The following ACOXL variants were observed in gnomAD, a reference collection of about 807,000 sequenced individuals.
The protein encoded by ACOXL is acyl-CoA oxidase like.
In ACOXL, 70 loss-of-function variants were observed where a neutral mutation model predicts 71.9. That is an observed-to-expected ratio of 0.97 (90% CI 0.80 to 1.19). The LOEUF (loss-of-function observed/expected upper bound fraction) is 1.19, where lower values mean the gene tolerates loss of function less well. Ranked by LOEUF, ACOXL falls within the 50% of genes most tolerant of loss-of-function variation. The pLI is 0.00. For missense variants in ACOXL, 703 were observed against 736.3 expected, an observed-to-expected ratio of 0.95 and a Z score of 0.52; for synonymous variants, 253 against 281.6, an observed-to-expected ratio of 0.90 and a Z score of 1.02.
intron 7 of ACOXL, 125 bp from the exon 8 acceptor site, chr2:110,801,527 G>C (rs1243490585): frequency 6.2e-6 from 5 of 807,232 alleles, no homozygotes; most frequent in Non-Finnish European, 1.0e-5. Context: ...CCACCCCCAA[G>C]GAAAAAGCAC....
At chr2:110,770,423 C>T (rs1681747359) in intron 2 of ACOXL, among the ~76,000 whole-genome samples, 1 of 152,194 alleles carries the variant, frequency 6.6e-6, no homozygotes, top group South Asian at 2.1e-4. Context: ...CAGGCAGAGC[C>T]TTGGCACCAC....
chr2:111,095,365 G>A (rs984311793), intron 17 of ACOXL, among the ~76,000 whole-genome samples: 3 of 150,678 alleles, frequency 2.0e-5, no homozygotes, highest in African/African-American at 7.3e-5. Context: ...AAACATTGAA[G>A]TGCTTTTGTA....
intron 10 of ACOXL, among the ~76,000 whole-genome samples, chr2:110,899,627 A>T (rs960900007): frequency 6.6e-6 from 1 of 152,180 alleles, no homozygotes; most frequent in African/African-American, 2.4e-5. Context: ...TTAAAATATG[A>T]AATTAATACA....
intron 10 of ACOXL, among the ~76,000 whole-genome samples, chr2:110,901,258 CA>C (rs2059220459): frequency 6.6e-6 from 1 of 152,166 alleles, no homozygotes; most frequent in South Asian, 2.1e-4. Context: ...TGAAGAGCTA[CA>C]CTCTCTGGCC....
At chr2:111,011,952 G>A (rs988485818) in intron 14 of ACOXL, among the ~76,000 whole-genome samples, 5 of 149,280 alleles carry the variant, frequency 3.3e-5, no homozygotes, top group Admixed American at 6.7e-5. Flanking sequence ...GATTATTAAA[G>A]GATAATTTCA....
chr2:111,064,446 CA>C lies in ACOXL; in HGVS notation c.1440+15168del, dbSNP rs1007815116. ...GCGACACTCCATCTCAAAAAAAAAA[CA>C]AAAAAAAAACAACAACTATATAGTA... On this transcript the variant is annotated intron_variant, in intron 16 of 17. Coordinates refer to ENST00000439055, the MANE Select transcript of ACOXL (RefSeq NM_001142807.4). 1.8e-3 allele frequency among the ~76,000 whole-genome samples: 248 copies of C among 138,266 alleles called. 3 individuals are homozygous for C. Among genetic ancestry groups the C allele is most frequent in the African/African-American group, 6.1e-3 (225 of 37,116 alleles). The allele number at this position is 138,266 out of a possible 152,430, so 90.7% of individuals were successfully genotyped here.
intron 1 of ACOXL, among the ~76,000 whole-genome samples, chr2:110,736,075 C>A (rs1044773772): frequency 2.6e-5 from 4 of 152,148 alleles, no homozygotes; most frequent in Non-Finnish European, 4.4e-5. Flanking sequence ...GAGCAATGCA[C>A]ATTTCTCTTC....
intron 10 of ACOXL, among the ~76,000 whole-genome samples, chr2:110,888,362 C>T (rs1379522151): frequency 1.3e-5 from 2 of 152,150 alleles, no homozygotes; most frequent in African/African-American, 2.4e-5. Flanking sequence ...TTACTAATAC[C>T]TCCCTCAAAG....
At chr2:110,879,931 A>C (rs1421935506) in intron 10 of ACOXL, among the ~76,000 whole-genome samples, 1 of 152,060 alleles carries the variant, frequency 6.6e-6, no homozygotes, top group Non-Finnish European at 1.5e-5. Context: ...GGATCACCTA[A>C]GGTCAGGAGT....
chr2:110,767,402 G>T (rs555647777), intron 1 of ACOXL, among the ~76,000 whole-genome samples: 3 of 152,294 alleles, frequency 2.0e-5, no homozygotes, highest in African/African-American at 7.2e-5. Context: ...TGCAAAGAGA[G>T]GGGGAGGAAA....
At chr2:110,916,597 T>C (rs2059868917) in intron 11 of ACOXL, among the ~76,000 whole-genome samples, 1 of 152,026 alleles carries the variant, frequency 6.6e-6, no homozygotes, top group Middle Eastern at 3.2e-3. Flanking sequence ...ACGAAAAGCC[T>C]TTAAAAAATC....
At chr2:111,022,120 A>G (rs1403215120) in intron 14 of ACOXL, among the ~76,000 whole-genome samples, 5 of 152,190 alleles carry the variant, frequency 3.3e-5, no homozygotes, top group Non-Finnish European at 7.3e-5. Context: ...TGGGAGGCCG[A>G]CGCGAGCAGA....
chr2:110,865,948 G>T (rs1694536013), intron 10 of ACOXL, among the ~76,000 whole-genome samples: 1 of 151,528 alleles, frequency 6.6e-6, no homozygotes, highest in South Asian at 2.1e-4. Flanking sequence ...AAAATAGATT[G>T]CATTTCTCGG....
chr2:110,799,530 G>A (rs950955535), intron 7 of ACOXL, among the ~76,000 whole-genome samples: 15 of 152,128 alleles, frequency 9.9e-5, no homozygotes, highest in African/African-American at 2.7e-4. Flanking sequence ...CTGCCATACC[G>A]CTAACTGTGG....
intron 16 of ACOXL, among the ~76,000 whole-genome samples, chr2:111,071,587 TCA>T (rs1574669597): frequency 2.0e-5 from 3 of 152,350 alleles, no homozygotes; most frequent in South Asian, 2.1e-4. Flanking sequence ...GAGCACTTCA[TCA>T]CAGTGAGAGA....
chr2:110,994,912 G>C (rs893994116), intron 13 of ACOXL, among the ~76,000 whole-genome samples: 1 of 152,054 alleles, frequency 6.6e-6, no homozygotes, highest in African/African-American at 2.4e-5. Context: ...GTGTGACCTT[G>C]AGCAAGTTAC....
chr2:110,982,156 T>TTTTG (rs1356332698), intron 12 of ACOXL, among the ~76,000 whole-genome samples: 1 of 152,120 alleles, frequency 6.6e-6, no homozygotes, highest in African/African-American at 2.4e-5. Flanking sequence ...TGGTGTTTTT[T>TTTTG]TTTGTTTGTT....
intron 12 of ACOXL, among the ~76,000 whole-genome samples, chr2:110,983,079 G>A (rs1220680098): frequency 6.6e-6 from 1 of 152,218 alleles, no homozygotes; most frequent in African/African-American, 2.4e-5. Context: ...ACAAACCCAA[G>A]TATGGTCCCA....
intron 13 of ACOXL, among the ~76,000 whole-genome samples, chr2:110,990,972 T>C (rs1281433656): frequency 6.6e-6 from 1 of 152,194 alleles, no homozygotes; most frequent in Admixed American, 6.5e-5. Flanking sequence ...TTTAGATTTA[T>C]GTCAAAGTTT....
Sources: gnomAD v4.1 joint callset for allele counts (sites outside exome capture counted in the v4.1 genomes callset) on GRCh38, gnomAD v4.1.1 for gene constraint, MANE v1.5 for transcripts, NCBI Gene and HGNC (gene_info 2026-07-23, HGNC 2026-07-21) for gene names.